C14orf93: variants seen among roughly 807,000 people sequenced by gnomAD.
The protein encoded by C14orf93 is chromosome 14 open reading frame 93.
C14orf93 carries 23 observed loss-of-function variants against 44.0 expected under a neutral mutation model. That is an observed-to-expected ratio of 0.52 (90% CI 0.38 to 0.74). The LOEUF (loss-of-function observed/expected upper bound fraction) is 0.74. Ranked by LOEUF, C14orf93 falls within the 30% of genes least tolerant of loss-of-function variation. The pLI is 0.00. For synonymous variants in C14orf93, 253 were observed against 265.7 expected (o/e 0.95, Z 0.46); for missense variants, 579 against 678.9 (o/e 0.85, Z 1.64).
In C14orf93 at chr14:22,998,439, G is replaced by A. The variant is rs1246701411; in HGVS notation, c.585C>T (p.Pro195=). The A allele has an allele frequency of 6.3e-7, 1 of 1,575,254 alleles. No homozygotes were observed. The highest frequency in any genetic ancestry group is 1.3e-5 in the African/African-American group (1 of 74,170). Residue 195 remains proline (P), a synonymous_variant, in exon 2 of 7, where the codon CCC becomes CCT. Transcript: ENST00000299088. The part of the protein sequence containing the change: ...GCTLAASEAA[P]LLNPLVDDYV... The stretch of plus-strand genomic sequence containing the variant: ...CTGCCATACTCACAGGATTGAGCAG[G>A]GGGGCCGCCTCGCTGGCAGCCAGCG...
At chr14:23,008,669 T>A (rs1233282746) in intron 1 of C14orf93, among the ~76,000 whole-genome samples, 1 of 152,238 alleles carries the variant, frequency 6.6e-6, no homozygotes, top group Admixed American at 6.5e-5. Flanking sequence ...GAGATAGTGA[T>A]TCTGTAACAG....
chr14:22,990,182 C>A, intron 3 of C14orf93, 55 bp from the exon 4 acceptor site: 1 of 1,482,758 alleles, frequency 6.7e-7, no homozygotes, highest in Admixed American at 1.7e-5. Flanking sequence ...TATGAAAACT[C>A]TCCTCTGGTC....
chr14:23,006,553 T>G (rs955565420), intron 1 of C14orf93: 1 of 152,244 alleles, frequency 6.6e-6, no homozygotes, highest in African/African-American at 2.4e-5. Context: ...GTAAGATTAA[T>G]ATTTCCGATT....
chr14:23,003,518 G>A (rs1434061137), intron 1 of C14orf93, among the ~76,000 whole-genome samples: 4 of 151,980 alleles, frequency 2.6e-5, no homozygotes, highest in South Asian at 2.1e-4. Context: ...GGCCAGGCAC[G>A]TGGCTTACGC....
chr14:22,987,828 C>A lies in C14orf93; in HGVS notation c.1197+75G>T. On this transcript the variant is annotated intron_variant, in intron 6 of 6. Transcript: ENST00000299088. This position sits in a 1 kb window ranked among gnomAD's most constrained non-coding sequence, Gnocchi z 5.6. ...TGGCTCTCAACCCTATTCTCATATG[C>A]CATGTCCTCTGGCCCTTCCCACTTA... 7.6e-7 allele frequency: 1 copy of A among 1,320,932 alleles called. No homozygotes were observed. The highest frequency in any genetic ancestry group is 1.1e-6 in the Non-Finnish European group (1 of 932,530). 81.8% of individuals were successfully genotyped at this position (1,320,932 alleles called of 1,614,324 possible). A position where few individuals can be genotyped will look rare whatever the true frequency, so the allele number is the denominator to read the frequency against.
chr14:22,990,249 C>A, intron 3 of C14orf93, 122 bp from the exon 4 acceptor site: 1 of 754,160 alleles, frequency 1.3e-6, no homozygotes, highest in Admixed American at 2.8e-5. Flanking sequence ...CTTTCTAAGC[C>A]AAGAGCCTAT....
chr14:22,999,165 G>T lies in C14orf93; in HGVS notation c.-142C>A. ...GCCCCAAGCTGTAGGGTCTGTGAAA[G>T]AAGAGTAAACAAGCCATGAAGAAGC... is the stretch of plus-strand genomic sequence containing the variant. On this transcript the variant is annotated 5_prime_UTR_variant, in exon 2 of 7. Transcript: ENST00000299088. The T allele has an allele frequency of 7.5e-7, 1 of 1,334,102 alleles. No homozygotes were observed. Among genetic ancestry groups the T allele is most frequent in the Non-Finnish European group, 1.0e-6 (1 of 1,002,522 alleles). The allele number at this position is 1,334,102 out of a possible 1,614,324, so 82.6% of individuals were successfully genotyped here.
chr14:23,004,115 G>A (rs2046504931), intron 1 of C14orf93, among the ~76,000 whole-genome samples: 2 of 149,518 alleles, frequency 1.3e-5, no homozygotes. Flanking sequence ...TCACCATATT[G>A]GCCAGGCTGC....
At chr14:23,003,857 CATATATAT>C (rs1176882717) in intron 1 of C14orf93, among the ~76,000 whole-genome samples, 549 of 18,940 alleles carry the variant, frequency 0.029, 20 homozygotes, top group East Asian at 0.073. Context: ...CTAATATATT[CATATATAT>C]ATATATATAT....
At chr14:22,989,473 G>A (rs776340121) in intron 5 of C14orf93, among the ~76,000 whole-genome samples, 9 of 152,102 alleles carry the variant, frequency 5.9e-5, no homozygotes, top group Non-Finnish European at 1.3e-4. Flanking sequence ...AACACCTTAG[G>A]TGCAAGACCT....
At chr14:22,989,248 T>C (rs11629120) in intron 5 of C14orf93, among the ~76,000 whole-genome samples, 71,051 of 152,086 alleles carry the variant, frequency 0.47, 17,798 homozygotes, top group African/African-American at 0.65. Flanking sequence ...CTGCCCTGGC[T>C]TCCCAAAGTG....
Position 22,986,820 on chromosome 14 carries a change from A to C in C14orf93, c.*395T>G. The C allele has an allele frequency of 4.6e-6, 1 of 217,426 alleles. No individual in the cohort carries two copies. The highest frequency in any genetic ancestry group is 9.3e-6 in the Non-Finnish European group (1 of 107,670). The allele number at this position is 217,426 out of a possible 1,614,324, so 13.5% of individuals were successfully genotyped here. ...AGAGCAAGACAAGTAGTCACAGGGA[A>C]GCAAAAGGTACAACCTGGGCTGCTT... On this transcript the variant is annotated 3_prime_UTR_variant, in exon 7 of 7. Transcript: ENST00000299088.
At position 22,998,901 on chromosome 14, in the gene C14orf93, A is replaced by T; in HGVS notation, c.123T>A (p.Pro41=). The part of the protein sequence containing the change: ...GNTGSQGGNP[P]PSTPITVTGH... ...CAGTCACTGTGATGGGGGTGCTGGG[A>T]GGAGGATTCCCACCCTGGGAGCCTG... is the stretch of plus-strand genomic sequence containing the variant. The change falls in exon 2 of 7, where the codon CCT becomes CCA. Residue 41 remains proline (P), a synonymous_variant. Transcript: ENST00000299088. 1 of 1,613,370 alleles carries T rather than the reference A, an allele frequency of 6.2e-7. No homozygotes were observed. The highest frequency in any genetic ancestry group is 1.3e-5 in the African/African-American group (1 of 74,776).
chr14:22,998,382 C>T, intron 2 of C14orf93, 45 bp downstream of exon 2: 1 of 1,453,196 alleles, frequency 6.9e-7, no homozygotes, highest in Non-Finnish European at 9.1e-7. Flanking sequence ...AGTGAAAAGC[C>T]AGGAAAAGCA....
At chr14:23,000,269 C>T (rs1300541143) in intron 1 of C14orf93, among the ~76,000 whole-genome samples, 2 of 151,818 alleles carry the variant, frequency 1.3e-5, no homozygotes, top group African/African-American at 2.4e-5. Context: ...AGAACACTCC[C>T]GGGAACTTAA....
chr14:23,003,407 A>G (rs530997716), intron 1 of C14orf93, among the ~76,000 whole-genome samples: 1 of 152,342 alleles, frequency 6.6e-6, no homozygotes, highest in East Asian at 1.9e-4. Flanking sequence ...ATTTCACATT[A>G]TATTTACTAA....
chr14:23,007,804 G>C (rs1368424738), intron 1 of C14orf93, among the ~76,000 whole-genome samples: 1 of 152,086 alleles, frequency 6.6e-6, no homozygotes, highest in Non-Finnish European at 1.5e-5. Flanking sequence ...AAAAGTATAT[G>C]TGATGACCTG....
chr14:23,008,138 G>A (rs1373214333), intron 1 of C14orf93, among the ~76,000 whole-genome samples: 2 of 117,938 alleles, frequency 1.7e-5, no homozygotes, highest in Non-Finnish European at 3.4e-5. Flanking sequence ...TGGGCAACAA[G>A]AGCGAAACTC....
At chr14:23,006,909 GGA>G (rs1371196227) in intron 1 of C14orf93, 5 of 152,708 alleles carry the variant, frequency 3.3e-5, no homozygotes, top group Admixed American at 2.0e-4. Flanking sequence ...AGCGGCCGGA[GGA>G]GCGGCTAGGG....
Sources: gnomAD v4.1 joint callset for allele counts (sites outside exome capture counted in the v4.1 genomes callset) on GRCh38, gnomAD v4.1.1 for gene constraint, Gnocchi (gnomAD v3.1) non-coding constraint, MANE v1.5 for transcripts, NCBI Gene and HGNC (gene_info 2026-07-23, HGNC 2026-07-21) for gene names.